Variants in TLL2 observed in about 807,000 individuals in gnomAD.
The protein encoded by TLL2 is tolloid-like protein 2.
TLL2 carries 106 observed loss-of-function variants against 123.0 expected under a neutral mutation model. The observed-to-expected ratio is 0.86, with a 90% confidence interval of 0.74 to 1.01. The LOEUF is 1.01. Among genes scored for constraint, TLL2 ranks in the 50% least tolerant of loss-of-function variants. The probability of loss-of-function intolerance (pLI) is 0.00; values close to 1 mark genes in which losing one functional copy is unlikely to be tolerated. For synonymous variants in TLL2, 494 were observed against 516.8 expected, an observed-to-expected ratio of 0.96 and a Z score of 0.60; for missense variants, 1,332 against 1,336.7, an observed-to-expected ratio of 1.00 and a Z score of 0.06.
rs759330163 is a variant in TLL2, at chr10:96,379,024, G to A, written c.2263C>T (p.Leu755=). ...HECVNTFGSY[L]CRCRNGYWLH... is the part of the protein sequence containing the mutation. ...CAGTAGCCGTTTCTGCACCTGCACA[G>A]GTAGCTCCCGAAGGTGTTGACGCAC... The change falls in exon 17 of 21, where the codon CTG becomes TTG. Residue 755 remains leucine (L), a synonymous_variant. Coordinates refer to ENST00000357947, the MANE Select transcript of TLL2 (RefSeq NM_012465.4). 1 of 1,614,224 alleles carries A rather than the reference G, an allele frequency of 6.2e-7. No individual in the cohort carries two copies. The highest frequency in any genetic ancestry group is 1.1e-5 in the South Asian group (1 of 91,082).
intron 1 of TLL2, among the ~76,000 whole-genome samples, chr10:96,484,936 C>T (rs1310969551): frequency 3.3e-5 from 5 of 152,194 alleles, no homozygotes; most frequent in East Asian, 3.8e-4. Context: ...CATCCATCCA[C>T]GCTGTCCATA....
At chr10:96,383,526 A>C (rs1483876848) in intron 16 of TLL2, among the ~76,000 whole-genome samples, 1 of 152,206 alleles carries the variant, frequency 6.6e-6, no homozygotes, top group Non-Finnish European at 1.5e-5. Flanking sequence ...GTCTGCAGCC[A>C]TGTAAGACAT....
intron 1 of TLL2, among the ~76,000 whole-genome samples, chr10:96,489,296 G>A (rs1279906083): frequency 6.6e-6 from 1 of 152,220 alleles, no homozygotes; most frequent in Non-Finnish European, 1.5e-5. Flanking sequence ...GGAGGCCAAG[G>A]TGGGAACATC....
Position 96,477,494 on chromosome 10 carries a change from G to T in TLL2, c.286+2855C>A, listed in dbSNP as rs374216018. Among the ~76,000 whole-genome samples the T allele has an allele frequency of 5.9e-5, 9 of 152,116 alleles. No homozygotes were observed. The East Asian group carries it at 9.7e-4, about 16-fold the overall frequency. On this transcript the variant is annotated intron_variant, in intron 2 of 20. Coordinates refer to ENST00000357947, the MANE Select transcript of TLL2 (RefSeq NM_012465.4). ...CTCTCAAGTAGCTGGGACCACAGGG[G>T]TGAATGCCCAGCTCCCCACTCTCCA...
intron 7 of TLL2, among the ~76,000 whole-genome samples, chr10:96,418,954 G>C (rs899135948): frequency 3.9e-5 from 6 of 151,996 alleles, no homozygotes; most frequent in Non-Finnish European, 8.8e-5. Flanking sequence ...GGGCCAACTT[G>C]ACATAGATTC....
chr10:96,393,950 G>T (rs1564897535), intron 13 of TLL2, among the ~76,000 whole-genome samples: 1 of 152,118 alleles, frequency 6.6e-6, no homozygotes, highest in Non-Finnish European at 1.5e-5. Context: ...CAATTGCTTA[G>T]GTACAATGGG....
At chr10:96,495,440 A>G (rs1316917556) in intron 1 of TLL2, among the ~76,000 whole-genome samples, 1 of 152,194 alleles carries the variant, frequency 6.6e-6, no homozygotes, top group Non-Finnish European at 1.5e-5. Flanking sequence ...GCAACTAAAT[A>G]AGCAAAGCTT....
intron 1 of TLL2, among the ~76,000 whole-genome samples, chr10:96,489,713 C>T (rs1589435322): frequency 1.3e-5 from 2 of 152,028 alleles, no homozygotes; most frequent in East Asian, 3.8e-4. Flanking sequence ...TATATATAAG[C>T]ATAACATAAA....
chr10:96,502,229 A>G (rs1847540824), intron 1 of TLL2, among the ~76,000 whole-genome samples: 1 of 152,184 alleles, frequency 6.6e-6, no homozygotes, highest in Non-Finnish European at 1.5e-5. Flanking sequence ...CATAGGGACA[A>G]GCAATGACCA....
chr10:96,491,617 G>C (rs145239171), intron 1 of TLL2, among the ~76,000 whole-genome samples: 1,862 of 152,256 alleles, frequency 0.012, 18 homozygotes, highest in Middle Eastern at 0.037. Context: ...TTATAAATTA[G>C]TCAAATACAG....
intron 16 of TLL2, 48 bp downstream of exon 16, chr10:96,384,539 A>G: frequency 6.7e-7 from 1 of 1,485,412 alleles, no homozygotes; most frequent in East Asian, 2.5e-5. Flanking sequence ...GGAGTCTGCA[A>G]AGCCGCCTCA....
At chr10:96,418,224 T>A (rs1846583704) in intron 7 of TLL2, among the ~76,000 whole-genome samples, 2 of 151,820 alleles carry the variant, frequency 1.3e-5, no homozygotes, top group South Asian at 4.2e-4. Flanking sequence ...GAAAAAAAAA[T>A]ACATATATAT....
At chr10:96,396,440 C>G (rs1343820081) in intron 11 of TLL2, among the ~76,000 whole-genome samples, 1 of 152,148 alleles carries the variant, frequency 6.6e-6, no homozygotes, top group Non-Finnish European at 1.5e-5. Flanking sequence ...CACACGTGCA[C>G]ACATGCGCAC....
At chr10:96,371,514 GAGCT>G (rs1564892361) in intron 19 of TLL2, among the ~76,000 whole-genome samples, 2 of 152,178 alleles carry the variant, frequency 1.3e-5, no homozygotes, top group African/African-American at 2.4e-5. Context: ...GGCCCCGCTG[GAGCT>G]CCACGCCCTG....
At chr10:96,418,529 T>C (rs564921849) in intron 7 of TLL2, among the ~76,000 whole-genome samples, 1 of 152,290 alleles carries the variant, frequency 6.6e-6, no homozygotes, top group East Asian at 1.9e-4. Context: ...TTTGAACTCA[T>C]TCATTAATTT....
chr10:96,473,796 A>G (rs1339730272), intron 2 of TLL2, among the ~76,000 whole-genome samples: 1 of 152,206 alleles, frequency 6.6e-6, no homozygotes, highest in African/African-American at 2.4e-5. Flanking sequence ...ACAAAGATGG[A>G]TGTGCCCAAC....
intron 3 of TLL2, among the ~76,000 whole-genome samples, chr10:96,433,540 A>G (rs1330564195): frequency 6.6e-6 from 1 of 152,152 alleles, no homozygotes; most frequent in Non-Finnish European, 1.5e-5. Flanking sequence ...TTCTGAGTCC[A>G]CGCGTTGGGC....
rs1444011763 is a variant in TLL2, at chr10:96,397,224, C to A, written c.1346G>T (p.Ser449Ile). The change falls in exon 11 of 21, where the codon AGC becomes ATC. Residue 449 changes from serine (S) to isoleucine (I), a missense_variant. Ser to Ile is a moderately radical substitution (Grantham distance 142). Coordinates refer to ENST00000357947, the MANE Select transcript of TLL2 (RefSeq NM_012465.4). ...SRLWVEFRSS[S>I]NILGKGFFAA... ...AAAGAAGCCCTTGCCCAAGATGTTG[C>A]TGCTGCTGCGGAACTCCACCCAGAG... The A allele has an allele frequency of 6.2e-7, 1 of 1,613,764 alleles. No individual in the cohort carries two copies. Among genetic ancestry groups the A allele is most frequent in the Non-Finnish European group, 8.5e-7 (1 of 1,179,754 alleles).
At chr10:96,496,963 G>A (rs2134112246) in intron 1 of TLL2, among the ~76,000 whole-genome samples, 1 of 151,714 alleles carries the variant, frequency 6.6e-6, no homozygotes, top group East Asian at 2.0e-4. Flanking sequence ...CCACACATTT[G>A]CCATTCACAT....
Sources: gnomAD v4.1 joint callset for allele counts (sites outside exome capture counted in the v4.1 genomes callset) on GRCh38, gnomAD v4.1.1 for gene constraint, MANE v1.5 for transcripts, NCBI Gene and HGNC (gene_info 2026-07-23, HGNC 2026-07-21) for gene names.